The following FMNL3 variants were observed in gnomAD, a reference collection of about 807,000 sequenced individuals.
FMNL3 encodes formin-like protein 3.
Under a neutral mutation model 119.6 loss-of-function variants are expected in FMNL3, and 57 were observed. The observed-to-expected ratio is 0.48, with a 90% CI of 0.39 to 0.59. The LOEUF is 0.59. Among genes scored for constraint, FMNL3 ranks in the 20% least tolerant of loss-of-function variants. The probability of loss-of-function intolerance (pLI) is 0.00; values close to 1 mark genes in which losing one functional copy is unlikely to be tolerated. For missense variants in FMNL3, 1,053 were observed against 1,323.5 expected (o/e 0.80, Z 3.17); for synonymous variants, 491 against 507.3 (o/e 0.97, Z 0.43).
chr12:49,652,074 T>C lies in FMNL3; in HGVS notation c.1462A>G (p.Arg488Gly). 1 of 1,612,670 alleles carries C rather than the reference T, an allele frequency of 6.2e-7. No homozygotes were observed. Among genetic ancestry groups the C allele is most frequent in the Non-Finnish European group, 8.5e-7 (1 of 1,179,434 alleles). Residue 488 changes from arginine (R) to glycine (G), a missense_variant, in exon 14 of 26, where the codon AGA (arginine) becomes GGA (glycine). Transcript: ENST00000335154. ...TCACTCAGCTCTGCAGGGCCTACTC[T>C]GGCCAGGGCCTCACTGTCCACAGAC... Reference protein sequence around the residue: ...LESVDSEALARVGPAELSEGM... With the variant: ...LESVDSEALAGVGPAELSEGM...
chr12:49,688,426 T>A, intron 1 of FMNL3: 1 of 456,066 alleles, frequency 2.2e-6, no homozygotes, highest in Non-Finnish European at 4.4e-6. Context: ...AGGTCCCACA[T>A]AATCTGGGCC....
In FMNL3 at chr12:49,642,110, A is replaced by G; in HGVS notation, c.*3705T>C. ...TCTCACTCACTGTCCCACTGACTAT[A>G]TTCCCAATTCAGGGGATGGTGGTAG... On this transcript the variant is annotated 3_prime_UTR_variant, in exon 26 of 26. Coordinates refer to ENST00000335154, the MANE Select transcript of FMNL3 (RefSeq NM_175736.5). The surrounding 1 kb of genome is among the most constrained non-coding windows in gnomAD (Gnocchi z 5.8). 8 of 1,602,590 alleles carry G rather than the reference A, an allele frequency of 5.0e-6. No individual in the cohort carries two copies. Among genetic ancestry groups the G allele is most frequent in the Non-Finnish European group, 6.8e-6 (8 of 1,171,776 alleles).
intron 1 of FMNL3, among the ~76,000 whole-genome samples, chr12:49,692,326 CA>C (rs879884290): frequency 2.4e-3 from 344 of 140,536 alleles, no homozygotes; most frequent in African/African-American, 8.1e-3. Context: ...ACCTTGTCTC[CA>C]AAAAAAAAAA....
Position 49,707,339 on chromosome 12 carries a change from C to G in FMNL3, c.-159G>C, listed in dbSNP as rs1945078797. 3.5e-6 allele frequency: 2 copies of G among 565,220 alleles called. No individual in the cohort carries two copies. Among genetic ancestry groups the G allele is most frequent in the East Asian group, 7.1e-5 (2 of 28,180 alleles). The allele number at this position is 565,220 out of a possible 1,614,324, so 35.0% of individuals were successfully genotyped here. ...CGGGGGTTCCCTGGAGTCCCGCTGG[C>G]GGGGGCGCGCGGCGAGGGCGGAGGC... On this transcript the variant is annotated 5_prime_UTR_variant, in exon 1 of 26. Transcript: ENST00000335154.
intron 1 of FMNL3, among the ~76,000 whole-genome samples, chr12:49,700,681 C>G (rs1340082401): frequency 2.9e-5 from 4 of 137,124 alleles, no homozygotes; most frequent in Non-Finnish European, 6.1e-5. Flanking sequence ...CACCATTGCA[C>G]TCCAACCTGG....
At chr12:49,660,431 A>C (rs879821618) in intron 5 of FMNL3, among the ~76,000 whole-genome samples, 2 of 152,208 alleles carry the variant, frequency 1.3e-5, no homozygotes, top group Admixed American at 1.3e-4. Flanking sequence ...ATTTCACCAA[A>C]TGTTTTTCAT....
At position 49,707,241 on chromosome 12, in the gene FMNL3, C is replaced by T; in HGVS notation, c.-61G>A. 4 of 1,397,126 alleles carry T rather than the reference C, an allele frequency of 2.9e-6. No homozygotes were observed. The highest frequency in any genetic ancestry group is 3.7e-6 in the Non-Finnish European group (4 of 1,072,136). The allele number at this position is 1,397,126 out of a possible 1,614,324, so 86.5% of individuals were successfully genotyped here. ...CCTCCACGCTCCGGAGCTTTCGGCT[C>T]CGCGGCTCCGACCAGGCTCCTCCCT... On this transcript the variant is annotated 5_prime_UTR_variant, in exon 1 of 26. Transcript: ENST00000335154.
At position 49,651,921 on chromosome 12, in the gene FMNL3, C is replaced by T. The variant is rs771998271; in HGVS notation, c.1603+12G>A. The T allele has an allele frequency of 5.7e-6, 9 of 1,569,332 alleles. No individual in the cohort carries two copies. The highest frequency in any genetic ancestry group is 4.1e-4 in the Middle Eastern group (2 of 4,846). On this transcript the variant is annotated intron_variant, in intron 14 of 25. Coordinates refer to ENST00000335154, the MANE Select transcript of FMNL3 (RefSeq NM_175736.5). ...GCTGCCCCTGTTGGCTCCCAGGGGTCGTCGTGGTTACCTGGTAATGGGGGA... is the reference window on the plus strand; with the variant it reads ...GCTGCCCCTGTTGGCTCCCAGGGGTTGTCGTGGTTACCTGGTAATGGGGGA...
chr12:49,643,170 C>T lies in FMNL3; in HGVS notation c.*2645G>A. The T allele has an allele frequency of 2.5e-6, 4 of 1,606,404 alleles. No homozygotes were observed. The highest frequency in any genetic ancestry group is 3.4e-6 in the Non-Finnish European group (4 of 1,175,170). ...CCTCTCTCGAATTCCCAGACGAGGG[C>T]TTCTGGAGGGCAGAGAACCTCTGCA... On this transcript the variant is annotated 3_prime_UTR_variant, in exon 26 of 26. Coordinates refer to ENST00000335154, the MANE Select transcript of FMNL3 (RefSeq NM_175736.5).
At chr12:49,656,541 T>C in intron 8 of FMNL3, 44 bp from the exon 9 acceptor site, 1 of 1,541,192 alleles carries the variant, frequency 6.5e-7, no homozygotes, top group Non-Finnish European at 8.9e-7. Flanking sequence ...CTCCCCATCC[T>C]GACAACCACA....
Position 49,637,150 on chromosome 12 carries a change from C to CA in FMNL3, c.*8664dup, listed in dbSNP as rs1941937151. 2 of 573,942 alleles carry CA rather than the reference C, an allele frequency of 3.5e-6. No individual in the cohort carries two copies. Among genetic ancestry groups the CA allele is most frequent in the Admixed American group, 3.1e-5 (1 of 32,760 alleles). The allele number at this position is 573,942 out of a possible 1,614,324, so 35.6% of individuals were successfully genotyped here. On this transcript the variant is annotated 3_prime_UTR_variant, in exon 26 of 26. Transcript: ENST00000335154. The stretch of plus-strand genomic sequence containing the variant: ...TTCCCTTGGTGGGGCACCCGACAGG[C>CA]AGAGTTTATTCCCTCAGCTTGGGGG...
intron 4 of FMNL3, among the ~76,000 whole-genome samples, chr12:49,664,419 C>T (rs1943827887): frequency 6.6e-6 from 1 of 152,004 alleles, no homozygotes; most frequent in African/African-American, 2.4e-5. Flanking sequence ...AACAAATAAA[C>T]AAAAAGAAGA....
Position 49,645,822 on chromosome 12 carries a change from G to A in FMNL3, c.3077C>T (p.Pro1026Leu). 1.3e-6 allele frequency: 2 copies of A among 1,599,744 alleles called. No homozygotes were observed. Among genetic ancestry groups the A allele is most frequent in the Non-Finnish European group, 1.7e-6 (2 of 1,175,396 alleles). ...PPSGPPRAPG[P>L]H The stretch of plus-strand genomic sequence containing the variant: ...TCTGCCTCCGAGAGGGTCTCAGTGG[G>A]GGCCTGGAGCCCGAGGGGGACCACT... The change falls in exon 26 of 26, where the codon CCC (proline) becomes CTC (leucine). Residue 1026 changes from proline (P) to leucine (L), a missense_variant. Physicochemically the swap from Pro to Leu is moderately conservative, Grantham distance 98 (BLOSUM62 -3). Around this residue, in one of 4 missense-constraint regions of FMNL3, gnomAD observed 324 missense variants for 380.9 expected, o/e 0.85. Coordinates refer to ENST00000335154, the MANE Select transcript of FMNL3 (RefSeq NM_175736.5).
intron 1 of FMNL3, among the ~76,000 whole-genome samples, chr12:49,693,635 GGTTTTTTTTT>G (rs61683365): frequency 0.054 from 1,139 of 21,220 alleles, 128 homozygotes; most frequent in African/African-American, 0.094. Context: ...TCCCAATCTT[GGTTTTTTTTT>G]TTTTTTTTTT....
chr12:49,654,275 C>T lies in FMNL3; in HGVS notation c.988G>A (p.Val330Met), dbSNP rs373949899. The T allele has an allele frequency of 5.6e-6, 9 of 1,613,940 alleles. No individual in the cohort carries two copies. The highest frequency in any genetic ancestry group is 2.2e-5 in the East Asian group (1 of 44,876). The stretch of plus-strand genomic sequence containing the variant: ...TTCATGTCCTCCACCGAGTGCACCA[C>T]GATGTTGATGAACTGCATGCAGGCC... ...MVACMQFINI[V>M]VHSVEDMNFR... The change falls in exon 11 of 26, where the codon GTG becomes ATG. Residue 330 changes from valine to methionine, a missense_variant. This residue lies in a region of FMNL3 where 445 missense variants were observed against 628.4 expected (regional missense o/e 0.71). Coordinates refer to ENST00000335154, the MANE Select transcript of FMNL3 (RefSeq NM_175736.5).
chr12:49,649,195 G>C lies in FMNL3; in HGVS notation c.2386-37C>G. The C allele has an allele frequency of 1.2e-6, 2 of 1,612,606 alleles. No homozygotes were observed. The highest frequency in any genetic ancestry group is 1.7e-6 in the Non-Finnish European group (2 of 1,179,212). On this transcript the variant is annotated intron_variant, in intron 20 of 25. Coordinates refer to ENST00000335154, the MANE Select transcript of FMNL3 (RefSeq NM_175736.5). This position sits in a 1 kb window ranked among gnomAD's most constrained non-coding sequence, Gnocchi z 5.6. ...GGTGAGGGCGGTGCACAAGAGCTAA[G>C]CACTCTGGCTCCACAACTGCTGCCC... is the stretch of plus-strand genomic sequence containing the variant.
rs1035279826 is a variant in FMNL3, at chr12:49,638,781, C to T, written c.*7034G>A. On this transcript the variant is annotated 3_prime_UTR_variant, in exon 26 of 26. Transcript: ENST00000335154. ...GATAGGTCACTTGACCTTTCTGACC[C>T]TGTTTCCTCATCTAAAAAATGGTGA... 2.6e-5 allele frequency: 4 copies of T among 152,188 alleles called. No homozygotes were observed. The highest frequency in any genetic ancestry group is 9.7e-5 in the African/African-American group (4 of 41,442). 9.4% of individuals were successfully genotyped at this position (152,188 alleles called of 1,614,324 possible).
At position 49,665,914 on chromosome 12, in the gene FMNL3, A is replaced by G. The variant is rs777688761; in HGVS notation, c.292-6T>C. 1.1e-5 allele frequency: 17 copies of G among 1,614,016 alleles called. No homozygotes were observed. The highest frequency in any genetic ancestry group is 5.0e-5 in the Admixed American group (3 of 60,002). On this transcript the variant is annotated splice_region_variant and splice_polypyrimidine_tract_variant and intron_variant, in intron 3 of 25. Transcript: ENST00000335154. ...TGCACCCTCCTCCTGAACTTCTGTA[A>G]AAAGGGTAGGAAAGGAAGGGAATAC... is the stretch of plus-strand genomic sequence containing the variant.
intron 1 of FMNL3, among the ~76,000 whole-genome samples, chr12:49,699,832 C>G (rs1244048214): frequency 6.6e-6 from 1 of 152,174 alleles, no homozygotes; most frequent in Non-Finnish European, 1.5e-5. Context: ...GATACCATGT[C>G]TAATTAATCA....
Sources: gnomAD v4.1 joint callset for allele counts (sites outside exome capture counted in the v4.1 genomes callset) on GRCh38, gnomAD v4.1.1 for gene constraint, gnomAD v4.1.1 regional missense constraint, Gnocchi (gnomAD v3.1) non-coding constraint, MANE v1.5 for transcripts, NCBI Gene and HGNC (gene_info 2026-07-23, HGNC 2026-07-21) for gene names.